CEP290: variants seen among roughly 807,000 people sequenced by gnomAD.
CEP290 encodes centrosomal protein 290.
Under a neutral mutation model 344.9 loss-of-function variants are expected in CEP290, and 317 were observed. That is an observed-to-expected ratio of 0.92 (90% CI 0.84 to 1.01). The LOEUF (loss-of-function observed/expected upper bound fraction) is 1.01, where lower values mean the gene tolerates loss of function less well. CEP290 is among the 50% of genes least tolerant of loss of function. The pLI, the probability that CEP290 is intolerant of heterozygous loss-of-function variation, is 0.00. For synonymous variants in CEP290, 932 were observed against 895.8 expected, an observed-to-expected ratio of 1.04 and a Z score of -0.72; for missense variants, 2,754 against 2,761.4, an observed-to-expected ratio of 1.00 and a Z score of 0.06.
chr12:88,080,351 TC>T lies in CEP290; in HGVS notation c.5056del (p.Glu1686LysfsTer2). On this transcript the variant is annotated frameshift_variant, in exon 38 of 54. Coordinates refer to ENST00000552810, the MANE Select transcript of CEP290 (RefSeq NM_025114.4). LOFTEE classifies it high-confidence loss of function. Reference protein sequence around the residue: ...HEDEVKKVKAEVEDLKYLLDQ... With the variant: ...HEDEVKKVKAXVEDLKYLLDQ... ...CAGAAGATACTTTAAATCCTCTACT[TC>T]CGCTTTTACTTTTTTCACTTCATCT... The T allele has an allele frequency of 6.2e-7, 1 of 1,613,628 alleles. No individual in the cohort carries two copies. Among genetic ancestry groups the T allele is most frequent in the Non-Finnish European group, 8.5e-7 (1 of 1,179,742 alleles).
rs372565248 is a variant in CEP290 at position 88,077,731 on chromosome 12, T to A, written c.5552A>T (p.Lys1851Ile). The change falls in exon 40 of 54, where the codon AAA becomes ATA. Residue 1851 changes from lysine to isoleucine, a missense_variant. By Grantham distance (102) the Lys-to-Ile change is moderately radical (BLOSUM62 -3). Coordinates refer to ENST00000552810, the MANE Select transcript of CEP290 (RefSeq NM_025114.4). ...ACTGGTTAGTCTTTTAATTTGCCTT[T>A]TCAGTTCATCATTCTCTTGATCAAT... is the stretch of plus-strand genomic sequence containing the variant. ...EEIDQENDELKRQIKRLTSGL... is the reference protein window; with the variant it reads ...EEIDQENDELIRQIKRLTSGL... The A allele has an allele frequency of 3.8e-6, 6 of 1,572,222 alleles. No homozygotes were observed. The African/African-American group carries it at 6.9e-5, about 18-fold the overall frequency.
At chr12:88,140,735 A>G (rs2040602038) in intron 3 of CEP290, among the ~76,000 whole-genome samples, 1 of 152,228 alleles carries the variant, frequency 6.6e-6, no homozygotes, top group South Asian at 2.1e-4. Flanking sequence ...ACTTTTCAAC[A>G]TACTCATTCT....
Position 88,079,081 on chromosome 12 carries a change from T to C in CEP290, c.5364+11A>G, listed in dbSNP as rs1185269395. 2 of 1,554,122 alleles carry C rather than the reference T, an allele frequency of 1.3e-6. No individual in the cohort carries two copies. Among genetic ancestry groups the C allele is most frequent in the Non-Finnish European group, 8.6e-7 (1 of 1,157,584 alleles). The stretch of plus-strand genomic sequence containing the variant: ...AGAAATTTTGTTACATTAACACGTG[T>C]TGATGTTCACCTTTAGCTCTCTAGT... On this transcript the variant is annotated intron_variant, in intron 39 of 53. Coordinates refer to ENST00000552810, the MANE Select transcript of CEP290 (RefSeq NM_025114.4).
chr12:88,084,965 C>A, intron 34 of CEP290, 113 bp from the exon 35 acceptor site: 2 of 790,682 alleles, frequency 2.5e-6, no homozygotes, highest in Non-Finnish European at 3.9e-6. Context: ...TTTTTCACAT[C>A]ATATGTACAA....
Position 88,093,835 on chromosome 12 carries a change from G to T in CEP290, c.3244C>A (p.His1082Asn). The change falls in exon 28 of 54, where the codon CAC becomes AAC. Residue 1082 changes from histidine (H) to asparagine (N), a missense_variant. Physicochemically the swap from His to Asn is moderately conservative, Grantham distance 68. Coordinates refer to ENST00000552810, the MANE Select transcript of CEP290 (RefSeq NM_025114.4). The part of the protein sequence containing the change: ...RAEHCQKMYE[H>N]LRTSLKQMEE... ...ATTTGCTTTAACGAAGTCCGTAAGTGTTCATACATTTTTTGACAATGTTCA... is the reference window on the plus strand; with the variant it reads ...ATTTGCTTTAACGAAGTCCGTAAGTTTTCATACATTTTTTGACAATGTTCA... 1 of 1,612,686 alleles carries T rather than the reference G, an allele frequency of 6.2e-7. No homozygotes were observed. Among genetic ancestry groups the T allele is most frequent in the Non-Finnish European group, 8.5e-7 (1 of 1,179,284 alleles).
At chr12:88,112,338 A>G (rs1489221178) in intron 20 of CEP290, among the ~76,000 whole-genome samples, 1 of 152,166 alleles carries the variant, frequency 6.6e-6, no homozygotes, top group African/African-American at 2.4e-5. Flanking sequence ...GGAATGGAAT[A>G]CAATATTGAA....
intron 3 of CEP290, 74 bp downstream of exon 3, chr12:88,140,882 T>C: frequency 1.1e-6 from 1 of 919,396 alleles, no homozygotes; most frequent in Non-Finnish European, 1.6e-6. Flanking sequence ...TCACAAAGAT[T>C]ACCTTATATA....
intron 15 of CEP290, 144 bp from the exon 16 acceptor site, chr12:88,118,887 G>T (rs2039238531): frequency 5.2e-6 from 3 of 577,402 alleles, no homozygotes; most frequent in African/African-American, 3.7e-5. Flanking sequence ...GAATTTTCCA[G>T]ATATTTAAAC....
At chr12:88,091,416 AAG>A (rs76944015) in intron 29 of CEP290, among the ~76,000 whole-genome samples, 4 of 151,134 alleles carry the variant, frequency 2.6e-5, no homozygotes, top group African/African-American at 7.3e-5. Context: ...AAAAAAAAAA[AAG>A]AGATAGCCTA....
intron 41 of CEP290, among the ~76,000 whole-genome samples, chr12:88,072,402 T>C (rs1383959435): frequency 6.6e-6 from 1 of 152,224 alleles, no homozygotes; most frequent in African/African-American, 2.4e-5. Flanking sequence ...TTCAGATTTT[T>C]GGATTAGATG....
intron 26 of CEP290, among the ~76,000 whole-genome samples, chr12:88,098,963 T>G (rs139760796): frequency 0.011 from 1,655 of 152,266 alleles, 23 homozygotes; most frequent in Middle Eastern, 0.041. Flanking sequence ...GGGCATGGCA[T>G]GCCAAGACAA....
intron 31 of CEP290, 100 bp downstream of exon 31, chr12:88,088,932 A>G: frequency 1.3e-6 from 1 of 780,456 alleles, no homozygotes; most frequent in Non-Finnish European, 1.9e-6. Flanking sequence ...GAGTCCCTTG[A>G]GCCCAGGAGT....
intron 50 of CEP290, 26 bp from the exon 51 acceptor site, chr12:88,054,439 G>C (rs751559501): frequency 8.6e-6 from 13 of 1,504,396 alleles, no homozygotes; most frequent in Middle Eastern, 1.7e-4. Flanking sequence ...AAAGTTAGAA[G>C]ATAAGGTTTG....
chr12:88,084,241 C>T (rs1170407485), intron 35 of CEP290, among the ~76,000 whole-genome samples: 6 of 152,108 alleles, frequency 3.9e-5, no homozygotes, highest in African/African-American at 9.7e-5. Context: ...CTTTCCCCCA[C>T]GAAGTTCTAA....
At chr12:88,139,118 C>A in intron 5 of CEP290, 27 bp downstream of exon 5, 2 of 1,128,806 alleles carry the variant, frequency 1.8e-6, no homozygotes, top group East Asian at 2.6e-5. Flanking sequence ...ATGACAATTA[C>A]ATCCTAGGGA....
intron 52 of CEP290, among the ~76,000 whole-genome samples, chr12:88,051,458 C>G (rs554208038): frequency 2.7e-4 from 41 of 152,254 alleles, no homozygotes; most frequent in Non-Finnish European, 2.2e-4. Flanking sequence ...TTCAGCCTCC[C>G]AAAGTGCTGG....
chr12:88,068,710 A>C (rs538568196), intron 43 of CEP290, 65 bp from the exon 44 acceptor site: 1 of 1,486,670 alleles, frequency 6.7e-7, no homozygotes, highest in South Asian at 1.4e-5. Flanking sequence ...GTACTATATA[A>C]AAATACAAGA....
intron 21 of CEP290, 143 bp downstream of exon 21, chr12:88,111,551 A>C: frequency 1.2e-6 from 1 of 845,426 alleles, no homozygotes. Flanking sequence ...ATAATTTTAT[A>C]AGAGAAATCC....
rs1337331662 is a variant in CEP290 at position 88,086,474 on chromosome 12, A to G, written c.4219T>C (p.Trp1407Arg). Reference sequence around the variant, plus strand: ...TCCAGGTCAACTTCTCTTTGATCCCAGGCCATTTGTCTTTCTTCATGAAAC... The same window carrying G: ...TCCAGGTCAACTTCTCTTTGATCCCGGGCCATTTGTCTTTCTTCATGAAAC... ...NKFHEERQMA[W>R]DQREVDLERQ... is the part of the protein sequence containing the mutation. Residue 1407 changes from tryptophan (W) to arginine (R), a missense_variant, in exon 33 of 54, where the codon TGG becomes CGG. Transcript: ENST00000552810. 6.3e-7 allele frequency: 1 copy of G among 1,597,066 alleles called. No homozygotes were observed. Among genetic ancestry groups the G allele is most frequent in the South Asian group, 1.1e-5 (1 of 88,434 alleles).
Sources: gnomAD v4.1 joint callset for allele counts (sites outside exome capture counted in the v4.1 genomes callset) on GRCh38, gnomAD v4.1.1 for gene constraint, MANE v1.5 for transcripts, NCBI Gene and HGNC (gene_info 2026-07-23, HGNC 2026-07-21) for gene names.